The following FOXP1 variants were observed in gnomAD, a reference collection of about 807,000 sequenced individuals.
The protein encoded by FOXP1 is forkhead box P1, also known as forkhead box protein P1.
In FOXP1, 15 loss-of-function variants were observed where a neutral mutation model predicts 98.2. The observed-to-expected ratio is 0.15, with a 90% CI of 0.10 to 0.24. The LOEUF is 0.24. Among genes scored for constraint, FOXP1 ranks in the 10% least tolerant of loss-of-function variants. The probability of loss-of-function intolerance (pLI) is 1.00; values close to 1 mark genes in which losing one functional copy is unlikely to be tolerated. For missense variants in FOXP1, 633 were observed against 848.5 expected, an observed-to-expected ratio of 0.75 and a Z score of 3.15; for synonymous variants, 371 against 314.5, an observed-to-expected ratio of 1.18 and a Z score of -1.90.
At chr3:71,233,860 T>A (rs1277267404) in intron 5 of FOXP1, among the ~76,000 whole-genome samples, 2 of 152,210 alleles carry the variant, frequency 1.3e-5, no homozygotes, top group African/African-American at 4.8e-5. Flanking sequence ...AAGACCTTGG[T>A]AAAATGGACA....
intron 2 of FOXP1, among the ~76,000 whole-genome samples, chr3:71,530,268 G>A (rs548638673): frequency 3.4e-4 from 52 of 152,172 alleles, no homozygotes; most frequent in African/African-American, 1.2e-3. Flanking sequence ...CTCGGGAGTG[G>A]GTTCATTACT....
chr3:71,047,500 C>T (rs1193980241), intron 9 of FOXP1, among the ~76,000 whole-genome samples: 1 of 152,232 alleles, frequency 6.6e-6, no homozygotes, highest in Non-Finnish European at 1.5e-5. Flanking sequence ...GCCTCCCTCC[C>T]TGCCTGCACC....
intron 5 of FOXP1, among the ~76,000 whole-genome samples, chr3:71,294,966 G>A (rs1481366728): frequency 6.6e-6 from 1 of 152,212 alleles, no homozygotes; most frequent in Non-Finnish European, 1.5e-5. Flanking sequence ...GCCCAGACAA[G>A]CTACATTGGT....
chr3:71,266,853 T>C (rs1296806236), intron 5 of FOXP1, among the ~76,000 whole-genome samples: 1 of 152,222 alleles, frequency 6.6e-6, no homozygotes. Flanking sequence ...TTATTTCACT[T>C]ACGATAATGG....
At chr3:71,100,491 T>C (rs552230010) in intron 7 of FOXP1, among the ~76,000 whole-genome samples, 1 of 152,284 alleles carries the variant, frequency 6.6e-6, no homozygotes, top group East Asian at 1.9e-4. Flanking sequence ...AGAAACCTTC[T>C]AGGGGGCAGT....
chr3:71,220,859 A>C (rs967159650), intron 5 of FOXP1, among the ~76,000 whole-genome samples: 3 of 152,158 alleles, frequency 2.0e-5, no homozygotes, highest in African/African-American at 7.2e-5. Flanking sequence ...GGAAACAGGA[A>C]GAATAACATT....
At chr3:70,995,208 TC>T (rs1417227110) in intron 13 of FOXP1, among the ~76,000 whole-genome samples, 16 of 152,130 alleles carry the variant, frequency 1.1e-4, no homozygotes, top group Admixed American at 8.5e-4. Flanking sequence ...TGAATTTAAA[TC>T]CCTAGGCCCA....
intron 11 of FOXP1, among the ~76,000 whole-genome samples, chr3:71,023,141 A>C (rs1208033696): frequency 6.6e-6 from 1 of 152,102 alleles, no homozygotes; most frequent in Non-Finnish European, 1.5e-5. Flanking sequence ...CGTCCAGCCA[A>C]CATTTATGAA....
At chr3:71,186,151 A>T (rs571654520) in intron 6 of FOXP1, among the ~76,000 whole-genome samples, 1 of 152,346 alleles carries the variant, frequency 6.6e-6, no homozygotes, top group African/African-American at 2.4e-5. Flanking sequence ...GACTATGAAC[A>T]TAAGATAGGT....
chr3:71,423,983 A>C (rs1487677641), intron 3 of FOXP1, among the ~76,000 whole-genome samples: 1 of 152,158 alleles, frequency 6.6e-6, no homozygotes, highest in African/African-American at 2.4e-5. Context: ...TTTTAGAGAC[A>C]AGGTCTCCTT....
At chr3:71,414,116 C>G (rs776546500) in intron 3 of FOXP1, among the ~76,000 whole-genome samples, 2 of 152,014 alleles carry the variant, frequency 1.3e-5, no homozygotes, top group African/African-American at 4.8e-5. Flanking sequence ...CCCCAACTCT[C>G]GGTCTTGCCG....
At chr3:71,129,866 C>G (rs927251389) in intron 6 of FOXP1, among the ~76,000 whole-genome samples, 15 of 152,160 alleles carry the variant, frequency 9.9e-5, no homozygotes, top group Non-Finnish European at 1.5e-4. Flanking sequence ...TTGAAAAGAG[C>G]CTTCCAACAT....
chr3:71,099,421 A>C (rs1575677676), intron 7 of FOXP1, among the ~76,000 whole-genome samples: 1 of 152,170 alleles, frequency 6.6e-6, no homozygotes, highest in Non-Finnish European at 1.5e-5. Flanking sequence ...CTGAGGCGGG[A>C]GAATTGCTTG....
intron 6 of FOXP1, among the ~76,000 whole-genome samples, chr3:71,133,083 C>T (rs1164841104): frequency 6.6e-6 from 1 of 151,738 alleles, no homozygotes. Flanking sequence ...TTACAAAAAA[C>T]ACAGAAAGGT....
intron 5 of FOXP1, among the ~76,000 whole-genome samples, chr3:71,253,952 C>T (rs2068425373): frequency 6.6e-6 from 1 of 152,090 alleles, no homozygotes; most frequent in Non-Finnish European, 1.5e-5. Context: ...CCTTATAGTT[C>T]AAATTTTCTG....
At chr3:71,445,062 G>A (rs1038833048) in intron 3 of FOXP1, among the ~76,000 whole-genome samples, 2 of 152,206 alleles carry the variant, frequency 1.3e-5, no homozygotes, top group African/African-American at 4.8e-5. Context: ...TACTTCTGGA[G>A]TGCAGACCAC....
At chr3:71,348,552 T>TGTGC (rs1553853252) in intron 4 of FOXP1, among the ~76,000 whole-genome samples, 39 of 141,712 alleles carry the variant, frequency 2.8e-4, no homozygotes, top group South Asian at 1.3e-3. Context: ...TGTGTGTGCG[T>TGTGC]GCGCGCGCGC....
intron 3 of FOXP1, among the ~76,000 whole-genome samples, chr3:71,406,405 G>GTGTATATATATATATATA (rs1347753258): frequency 1.0e-4 from 11 of 106,012 alleles, no homozygotes; most frequent in East Asian, 4.0e-4. Context: ...AACTGTATGT[G>GTGTATATATATATATATA]TATATATATA....
intron 11 of FOXP1, among the ~76,000 whole-genome samples, chr3:71,035,565 T>G (rs761422902): frequency 6.6e-6 from 1 of 152,170 alleles, no homozygotes; most frequent in Non-Finnish European, 1.5e-5. Flanking sequence ...TGACCATAAT[T>G]TGCCGAGCTC....
Sources: gnomAD v4.1 joint callset for allele counts (sites outside exome capture counted in the v4.1 genomes callset) on GRCh38, gnomAD v4.1.1 for gene constraint, MANE v1.5 for transcripts, NCBI Gene and HGNC (gene_info 2026-07-23, HGNC 2026-07-21) for gene names.